The following CNTLN variants were observed in gnomAD, a reference collection of about 807,000 sequenced individuals.
CNTLN encodes the protein centlein, centrosomal protein.
Under a neutral mutation model 180.0 loss-of-function variants are expected in CNTLN, and 212 were observed. That is an observed-to-expected ratio of 1.18 (90% CI 1.05 to 1.32). The LOEUF (loss-of-function observed/expected upper bound fraction) is 1.32. CNTLN is among the 40% of genes most tolerant of loss of function. The pLI, the probability that CNTLN is intolerant of heterozygous loss-of-function variation, is 0.00. For synonymous variants in CNTLN, 722 were observed against 563.1 expected (o/e 1.28, Z -3.99); for missense variants, 2,095 against 1,610.9 (o/e 1.30, Z -5.14).
At chr9:17,340,988 A>T in intron 11 of CNTLN, 40 bp downstream of exon 11, 1 of 1,571,110 alleles carries the variant, frequency 6.4e-7, no homozygotes, top group Non-Finnish European at 8.6e-7. Flanking sequence ...CCTAAATATT[A>T]AATGGAATGG....
rs934348902 is a variant in CNTLN, at chr9:17,307,004, A to C, written c.1147-2054A>C. Among the ~76,000 whole-genome samples the C allele has an allele frequency of 3.9e-5, 6 of 152,256 alleles. No individual in the cohort carries two copies. The East Asian group carries it at 1.2e-3, about 29-fold the overall frequency. The stretch of plus-strand genomic sequence containing the variant: ...GTTATGAGAGCAGCAGCACAGTACA[A>C]GTAGGCACGCTGAACTCTTCATTGT... On this transcript the variant is annotated intron_variant, in intron 7 of 25. Coordinates refer to ENST00000380647, the MANE Select transcript of CNTLN (RefSeq NM_017738.4).
intron 10 of CNTLN, among the ~76,000 whole-genome samples, chr9:17,339,957 C>T (rs1468195425): frequency 6.6e-6 from 1 of 151,832 alleles, no homozygotes; most frequent in Non-Finnish European, 1.5e-5. Context: ...AGTTCGAGAC[C>T]AGCCTTGGCA....
chr9:17,200,228 T>A (rs1010006683), intron 2 of CNTLN, among the ~76,000 whole-genome samples: 1 of 152,180 alleles, frequency 6.6e-6, no homozygotes, highest in Non-Finnish European at 1.5e-5. Context: ...CCATGCTGTT[T>A]TGGTTACTGT....
At chr9:17,332,990 A>C (rs1820744530) in intron 10 of CNTLN, among the ~76,000 whole-genome samples, 1 of 152,052 alleles carries the variant, frequency 6.6e-6, no homozygotes, top group Admixed American at 6.6e-5. Flanking sequence ...ATTGGGAATA[A>C]ATTTCTTAAC....
chr9:17,401,852 TA>T (rs1827001216), intron 15 of CNTLN, among the ~76,000 whole-genome samples: 2 of 151,690 alleles, frequency 1.3e-5, no homozygotes, highest in South Asian at 4.2e-4. Context: ...AACAGATATA[TA>T]AAAAGAGTTA....
intron 25 of CNTLN, among the ~76,000 whole-genome samples, chr9:17,499,999 T>A (rs1833657809): frequency 6.6e-6 from 1 of 152,198 alleles, no homozygotes; most frequent in African/African-American, 2.4e-5. Flanking sequence ...TGAAATTTTG[T>A]CTAAAGTTAT....
In CNTLN at chr9:17,409,463, A is replaced by G. The variant is rs1453514102; in HGVS notation, c.2786A>G (p.Lys929Arg). The G allele has an allele frequency of 1.3e-6, 2 of 1,598,982 alleles. No individual in the cohort carries two copies. The highest frequency in any genetic ancestry group is 2.2e-5 in the East Asian group (1 of 44,602). Reference sequence around the variant, plus strand: ...CAGACATATTTAAATATAGATGGCAAGACCCCAAAGGTAAATGACATGATT... The same window carrying G: ...CAGACATATTTAAATATAGATGGCAGGACCCCAAAGGTAAATGACATGATT... ...IVQTYLNIDGKTPKDYFHDKN... is the reference protein window; with the variant it reads ...IVQTYLNIDGRTPKDYFHDKN... Residue 929 changes from lysine (K) to arginine (R), a missense_variant, in exon 16 of 26, where the codon AAG (lysine) becomes AGG (arginine). Physicochemically the swap from Lys to Arg is conservative, Grantham distance 26. Coordinates refer to ENST00000380647, the MANE Select transcript of CNTLN (RefSeq NM_017738.4).
intron 12 of CNTLN, among the ~76,000 whole-genome samples, chr9:17,365,495 C>G (rs983645065): frequency 1.3e-5 from 2 of 152,132 alleles, no homozygotes; most frequent in African/African-American, 4.8e-5. Flanking sequence ...TCTGAGGTCC[C>G]CATGGGCAGT....
chr9:17,293,677 C>G (rs1447660891), intron 6 of CNTLN, among the ~76,000 whole-genome samples: 3 of 152,212 alleles, frequency 2.0e-5, no homozygotes, highest in African/African-American at 7.2e-5. Flanking sequence ...GGCTGCCACC[C>G]CTTGCCCCTA....
intron 2 of CNTLN, among the ~76,000 whole-genome samples, chr9:17,173,588 A>AT (rs1189706211): frequency 4.0e-5 from 6 of 151,524 alleles, no homozygotes; most frequent in Non-Finnish European, 5.9e-5. Context: ...CTTATTCCTG[A>AT]TTTTTTTTTC....
At chr9:17,282,583 A>G (rs1332457756) in intron 6 of CNTLN, among the ~76,000 whole-genome samples, 1 of 152,030 alleles carries the variant, frequency 6.6e-6, no homozygotes, top group African/African-American at 2.4e-5. Flanking sequence ...GAAGCTCTTT[A>G]GTTTAATTAG....
At chr9:17,361,065 T>C (rs531703715) in intron 12 of CNTLN, among the ~76,000 whole-genome samples, 1 of 152,218 alleles carries the variant, frequency 6.6e-6, no homozygotes, top group Non-Finnish European at 1.5e-5. Context: ...TCCATTTTTT[T>C]AAATTATTAT....
chr9:17,299,730 A>G, intron 7 of CNTLN: 1 of 984,374 alleles, frequency 1.0e-6, no homozygotes, highest in Non-Finnish European at 1.2e-6. Context: ...AATGATTTGA[A>G]ACACTGTACT....
At chr9:17,229,417 G>A (rs1824674065) in intron 3 of CNTLN, among the ~76,000 whole-genome samples, 1 of 152,108 alleles carries the variant, frequency 6.6e-6, no homozygotes, top group Admixed American at 6.6e-5. Context: ...GAGATAGTGG[G>A]ATGGATTGAT....
intron 19 of CNTLN, among the ~76,000 whole-genome samples, chr9:17,461,744 T>C (rs909264023): frequency 7.9e-5 from 12 of 151,664 alleles, no homozygotes; most frequent in African/African-American, 2.9e-4. Flanking sequence ...AAAGCTATTA[T>C]ATTTTATTAT....
chr9:17,180,595 G>A (rs73416376), intron 2 of CNTLN, among the ~76,000 whole-genome samples: 228 of 152,002 alleles, frequency 1.5e-3, no homozygotes, highest in African/African-American at 5.2e-3. Context: ...GACAAGGAAA[G>A]TCTGTTGTAT....
At chr9:17,260,515 T>C (rs1826879826) in intron 5 of CNTLN, among the ~76,000 whole-genome samples, 1 of 151,312 alleles carries the variant, frequency 6.6e-6, no homozygotes, top group Non-Finnish European at 1.5e-5. Flanking sequence ...GGATCATTTG[T>C]TTTTTTGCTT....
chr9:17,140,467 A>G (rs148364690), intron 1 of CNTLN, among the ~76,000 whole-genome samples: 36 of 152,224 alleles, frequency 2.4e-4, no homozygotes, highest in South Asian at 6.2e-4. Flanking sequence ...TTTTTGAGAT[A>G]GGGTCTTGGT....
At chr9:17,442,765 G>A (rs936648328) in intron 18 of CNTLN, among the ~76,000 whole-genome samples, 6 of 152,076 alleles carry the variant, frequency 3.9e-5, no homozygotes, top group Admixed American at 3.9e-4. Context: ...AATACCTTGA[G>A]ACAAATGAAA....
Sources: allele counts gnomAD v4.1 joint callset (sites outside exome capture counted in the v4.1 genomes callset), GRCh38; gene constraint gnomAD v4.1.1; transcripts MANE v1.5; gene names NCBI Gene and HGNC (gene_info 2026-07-23, HGNC 2026-07-21).